Variants in NAA15 observed in about 807,000 individuals in gnomAD.
NAA15 encodes N-alpha-acetyltransferase 15, NatA auxiliary subunit.
A neutral mutation model predicts 114.0 loss-of-function variants in NAA15; 34 were observed. That is an observed-to-expected ratio of 0.30 (90% CI 0.23 to 0.40). NAA15 has a LOEUF of 0.40. NAA15 is among the 10% of genes least tolerant of loss of function. NAA15 has a pLI of 1.00. For synonymous variants in NAA15, 340 were observed against 338.0 expected, an observed-to-expected ratio of 1.01 and a Z score of -0.06; for missense variants, 658 against 1,004.5, an observed-to-expected ratio of 0.66 and a Z score of 4.66.
In NAA15 at chr4:139,315,001, T is replaced by TTCAGGTTAGG. The variant is rs1181192026; in HGVS notation, c.54+13171_54+13172insCAGGTTAGGT. 9.4e-5 allele frequency among the ~76,000 whole-genome samples: 7 copies of TTCAGGTTAGG among 74,382 alleles called. 1 individual carries two copies. Among genetic ancestry groups the TTCAGGTTAGG allele is most frequent in the Middle Eastern group, 4.9e-3 (1 of 206 alleles). 48.8% of individuals were successfully genotyped at this position (74,382 alleles called of 152,430 possible). On this transcript the variant is annotated intron_variant, in intron 1 of 19. Transcript: ENST00000296543. Reference sequence around the variant, plus strand: ...TAGAGAAGCGTTCAGTTCAGTTCAGTTTAGTTTAGGTTAGGTTAGGTTAGG... The same window carrying TTCAGGTTAGG: ...TAGAGAAGCGTTCAGTTCAGTTCAGTTCAGGTTAGGTTAGTTTAGGTTAGGTTAGGTTAGG...
At chr4:139,367,189 CATTATT>C (rs1248171230) in intron 14 of NAA15, among the ~76,000 whole-genome samples, 1 of 152,138 alleles carries the variant, frequency 6.6e-6, no homozygotes, top group African/African-American at 2.4e-5. Context: ...CCACTGTAGA[CATTATT>C]AGGAGACACA....
At chr4:139,329,118 G>A (rs942098909) in intron 1 of NAA15, among the ~76,000 whole-genome samples, 2 of 150,496 alleles carry the variant, frequency 1.3e-5, no homozygotes, top group Admixed American at 6.6e-5. Flanking sequence ...CTGGTCTCAA[G>A]TGATCTGCCC....
chr4:139,307,532 G>C (rs1013917335), intron 1 of NAA15, among the ~76,000 whole-genome samples: 2 of 152,226 alleles, frequency 1.3e-5, no homozygotes, highest in Admixed American at 1.3e-4. Context: ...TTCCCAAAGT[G>C]CTGGGATTAC....
chr4:139,344,557 A>G (rs2110918554), intron 6 of NAA15, among the ~76,000 whole-genome samples: 1 of 152,326 alleles, frequency 6.6e-6, no homozygotes, highest in South Asian at 2.1e-4. Context: ...AATGAAAAGT[A>G]GTTGAATGAA....
chr4:139,339,230 C>G (rs933185045), intron 3 of NAA15, among the ~76,000 whole-genome samples: 2 of 152,214 alleles, frequency 1.3e-5, no homozygotes, highest in African/African-American at 4.8e-5. Context: ...GCCACAGTGA[C>G]TCATGCCCAT....
At position 139,301,708 on chromosome 4, in the gene NAA15, A is replaced by AGCG; in HGVS notation, c.-62_-60dup. On this transcript the variant is annotated 5_prime_UTR_variant, in exon 1 of 20. Coordinates refer to ENST00000296543, the MANE Select transcript of NAA15 (RefSeq NM_057175.5). ...AAGGCTGAAGCAGCTACGGAACGGC[A>AGCG]GCGGCGGCGGTCGGACAAACTGACT... is the stretch of plus-strand genomic sequence containing the variant. 1 of 1,509,772 alleles carries AGCG rather than the reference A, an allele frequency of 6.6e-7. No individual in the cohort carries two copies. The highest frequency in any genetic ancestry group is 1.4e-5 in the African/African-American group (1 of 72,080). 93.5% of individuals were successfully genotyped at this position (1,509,772 alleles called of 1,614,324 possible).
chr4:139,318,661 C>G (rs931429179), intron 1 of NAA15, among the ~76,000 whole-genome samples: 1 of 152,048 alleles, frequency 6.6e-6, no homozygotes, highest in African/African-American at 2.4e-5. Context: ...CAAGACCAGC[C>G]TGGCCAACAC....
chr4:139,344,778 T>C (rs1747528827), intron 6 of NAA15, among the ~76,000 whole-genome samples: 1 of 152,168 alleles, frequency 6.6e-6, no homozygotes, highest in Non-Finnish European at 1.5e-5. Flanking sequence ...ACATATAGGA[T>C]ATTTCTGAGA....
intron 17 of NAA15, among the ~76,000 whole-genome samples, chr4:139,380,304 A>T (rs1230912931): frequency 6.6e-6 from 1 of 152,042 alleles, no homozygotes; most frequent in African/African-American, 2.4e-5. Context: ...TGGGTCAGAA[A>T]ATTAAGGATA....
At chr4:139,330,708 A>G (rs1271396849) in intron 1 of NAA15, among the ~76,000 whole-genome samples, 1 of 152,168 alleles carries the variant, frequency 6.6e-6, no homozygotes, top group Non-Finnish European at 1.5e-5. Context: ...ATTAGGTTTC[A>G]GATGCAAAAC....
chr4:139,362,565 G>A (rs1482298182), intron 14 of NAA15, among the ~76,000 whole-genome samples: 1 of 152,112 alleles, frequency 6.6e-6, no homozygotes, highest in Non-Finnish European at 1.5e-5. Context: ...AAAGTGCTGG[G>A]ATTACAGGCA....
intron 11 of NAA15, among the ~76,000 whole-genome samples, chr4:139,358,541 T>G (rs905734390): frequency 1.3e-5 from 2 of 152,012 alleles, no homozygotes; most frequent in African/African-American, 4.8e-5. Flanking sequence ...ATTAATTTTT[T>G]TATTTTTAGA....
At chr4:139,381,086 A>G (rs1026821817) in intron 17 of NAA15, among the ~76,000 whole-genome samples, 11 of 152,174 alleles carry the variant, frequency 7.2e-5, no homozygotes, top group African/African-American at 2.7e-4. Context: ...CTGAGTGAAT[A>G]TGGATTTTAG....
chr4:139,319,024 T>C (rs13149234), intron 1 of NAA15, among the ~76,000 whole-genome samples: 43,127 of 151,814 alleles, frequency 0.28, 6,571 homozygotes, highest in African/African-American at 0.39. Flanking sequence ...TGCTGTGGCT[T>C]ACGCCTGTCA....
chr4:139,366,606 T>G (rs1317547596), intron 14 of NAA15, among the ~76,000 whole-genome samples: 14 of 150,984 alleles, frequency 9.3e-5, no homozygotes, highest in South Asian at 2.1e-4. Context: ...TTTTTGGGTT[T>G]TTTTTTTTTT....
At chr4:139,329,884 T>C (rs920771489) in intron 1 of NAA15, among the ~76,000 whole-genome samples, 3 of 152,158 alleles carry the variant, frequency 2.0e-5, no homozygotes, top group African/African-American at 7.2e-5. Flanking sequence ...TGTAGTTTGC[T>C]TGGGATCCTT....
At chr4:139,327,520 C>T (rs184167790) in intron 1 of NAA15, among the ~76,000 whole-genome samples, 68 of 152,282 alleles carry the variant, frequency 4.5e-4, no homozygotes, top group African/African-American at 1.5e-3. Context: ...TCCCAAAGTG[C>T]TGGAATTACA....
intron 18 of NAA15, among the ~76,000 whole-genome samples, chr4:139,385,299 T>TATAA (rs1560984151): frequency 1.3e-3 from 125 of 94,808 alleles, no homozygotes; most frequent in African/African-American, 4.0e-3. Context: ...TATATATATA[T>TATAA]AATATATATT....
intron 9 of NAA15, among the ~76,000 whole-genome samples, 182 bp from the exon 10 acceptor site, chr4:139,353,844 C>T (rs1275732360): frequency 6.6e-6 from 1 of 152,142 alleles, no homozygotes; most frequent in Non-Finnish European, 1.5e-5. Flanking sequence ...TCTTAATGTA[C>T]ACCTGTGCAA....
Sources: gnomAD v4.1 joint callset for allele counts (sites outside exome capture counted in the v4.1 genomes callset) on GRCh38, gnomAD v4.1.1 for gene constraint, MANE v1.5 for transcripts, NCBI Gene and HGNC (gene_info 2026-07-23, HGNC 2026-07-21) for gene names.